Variants in KMO observed in about 807,000 individuals in gnomAD.
KMO encodes the protein kynurenine 3-hydroxylase.
Under a neutral mutation model 57.8 loss-of-function variants are expected in KMO, and 24 were observed. The ratio of observed to expected loss-of-function variants is 0.42; its 90% confidence interval spans 0.30 to 0.58. KMO has a LOEUF of 0.58. Among genes scored for constraint, KMO ranks in the 20% least tolerant of loss-of-function variants. KMO has a pLI of 0.22. For synonymous variants in KMO, 210 were observed against 193.6 expected (o/e 1.08, Z -0.70); for missense variants, 483 against 588.2 (o/e 0.82, Z 1.85).
At chr1:241,575,967 T>C (rs902530416) in intron 10 of KMO, among the ~76,000 whole-genome samples, 4 of 152,092 alleles carry the variant, frequency 2.6e-5, no homozygotes, top group African/African-American at 7.2e-5. Context: ...AAGTTTAGGA[T>C]TGTAATATCT....
At chr1:241,586,118 C>T (rs189699256) in intron 10 of KMO, among the ~76,000 whole-genome samples, 2 of 149,220 alleles carry the variant, frequency 1.3e-5, no homozygotes, top group Non-Finnish European at 3.0e-5. Context: ...AAATCTTGGT[C>T]GAATTTCAGA....
At chr1:241,554,434 C>T (rs577513597) in intron 4 of KMO, among the ~76,000 whole-genome samples, 6 of 151,846 alleles carry the variant, frequency 4.0e-5, no homozygotes, top group South Asian at 4.2e-4. Flanking sequence ...CCACCAGACC[C>T]GGCTTGTTTT....
At chr1:241,549,872 C>A in intron 3 of KMO, 98 bp downstream of exon 3, 1 of 769,138 alleles carries the variant, frequency 1.3e-6, no homozygotes, top group Non-Finnish European at 2.1e-6. Flanking sequence ...CATTTAATAC[C>A]AAGAATCTCT....
chr1:241,555,723 C>A, intron 5 of KMO, 63 bp downstream of exon 5: 2 of 980,332 alleles, frequency 2.0e-6, no homozygotes, highest in South Asian at 2.6e-5. Context: ...CTAATCTTGT[C>A]ATATGATTTA....
chr1:241,568,602 T>C lies in KMO; in HGVS notation c.912T>C (p.Asp304=), dbSNP rs1367055372. Residue 304 remains aspartate (D), a synonymous_variant, in exon 10 of 15, where the codon GAT becomes GAC. Transcript: ENST00000366559. ...HFKSHCVLLG[D]AAHAIVPFFG... ...AATCTCACTGTGTACTGCTGGGAGA[T>C]GCAGCTCATGCTATAGTGCCGTTTT... The C allele has an allele frequency of 6.2e-7, 1 of 1,614,012 alleles. No homozygotes were observed. The highest frequency in any genetic ancestry group is 8.5e-7 in the Non-Finnish European group (1 of 1,179,908).
At chr1:241,562,373 G>A in intron 7 of KMO, 41 bp downstream of exon 7, 1 of 1,600,704 alleles carries the variant, frequency 6.2e-7, no homozygotes, top group Non-Finnish European at 8.5e-7. Context: ...CACAACCCTT[G>A]CTCCATGAGC....
At chr1:241,567,963 C>A (rs1287696787) in intron 9 of KMO, among the ~76,000 whole-genome samples, 1 of 152,150 alleles carries the variant, frequency 6.6e-6, no homozygotes, top group Admixed American at 6.5e-5. Flanking sequence ...ATTATAAGCA[C>A]CATGTTGTAC....
intron 5 of KMO, among the ~76,000 whole-genome samples, chr1:241,557,511 A>C (rs372247312): frequency 1.2e-4 from 18 of 152,226 alleles, no homozygotes; most frequent in African/African-American, 4.3e-4. Context: ...GAGGCCTATG[A>C]GGAATTTCAC....
rs114499825 is a variant in KMO at position 241,534,606 on chromosome 1, G to C, written c.54+2108G>C. Among the ~76,000 whole-genome samples, 698 of 152,278 alleles carry C rather than the reference G, an allele frequency of 4.6e-3. 5 individuals are homozygous for C. Among genetic ancestry groups the C allele is most frequent in the African/African-American group, 0.016 (662 of 41,550 alleles). On this transcript the variant is annotated intron_variant, in intron 1 of 14. Coordinates refer to ENST00000366559, the MANE Select transcript of KMO (RefSeq NM_003679.5). ...TTCTTTCACTCCATCAGTAAGCCTT[G>C]AGGCTCTATATCCAAAATACATTTA...
intron 9 of KMO, among the ~76,000 whole-genome samples, chr1:241,567,897 C>T (rs1471618395): frequency 6.6e-6 from 1 of 152,178 alleles, no homozygotes; most frequent in Non-Finnish European, 1.5e-5. Flanking sequence ...CTACTTAGAG[C>T]TTCCTCAACT....
chr1:241,594,109 CGT>C lies in KMO; in HGVS notation c.*1959_*1960del. On this transcript the variant is annotated 3_prime_UTR_variant, in exon 15 of 15. Transcript: ENST00000366559. ...AGGTATTTTCGAGAAAAATGCATTA[CGT>C]GTTTTGGAAAATAGAGTAATTTAAA... The C allele has an allele frequency of 3.6e-6, 1 of 274,426 alleles. No individual in the cohort carries two copies. Among genetic ancestry groups the C allele is most frequent in the Non-Finnish European group, 6.8e-6 (1 of 146,400 alleles). 17.0% of individuals were successfully genotyped at this position (274,426 alleles called of 1,614,324 possible). A position where few individuals can be genotyped will look rare whatever the true frequency, so the allele number is the denominator to read the frequency against.
chr1:241,566,466 C>T (rs773185150), intron 8 of KMO, 25 bp from the exon 9 acceptor site: 1 of 1,601,232 alleles, frequency 6.2e-7, no homozygotes, highest in East Asian at 2.3e-5. Flanking sequence ...CATCCCCTTT[C>T]ACTCTGTTTC....
chr1:241,538,013 C>G (rs1224111982), intron 1 of KMO, among the ~76,000 whole-genome samples: 2 of 152,134 alleles, frequency 1.3e-5, no homozygotes, highest in African/African-American at 4.8e-5. Flanking sequence ...TCAAATCCAC[C>G]TCTCCAAAGA....
rs1023524432 is a variant in KMO at position 241,536,113 on chromosome 1, G to GT, written c.54+3625dup. On this transcript the variant is annotated intron_variant, in intron 1 of 14. Coordinates refer to ENST00000366559, the MANE Select transcript of KMO (RefSeq NM_003679.5). ...AGAAGTTATGGGAAATTTTTAAAGA[G>GT]TTTTTTTTTTAACACAATTATGTCA... is the stretch of plus-strand genomic sequence containing the variant. Among the ~76,000 whole-genome samples, 1,297 of 149,038 alleles carry GT rather than the reference G, an allele frequency of 8.7e-3. 17 individuals are homozygous for GT. Among genetic ancestry groups the GT allele is most frequent in the African/African-American group, 0.029 (1,169 of 40,728 alleles).
At chr1:241,553,915 T>C (rs1661506076) in intron 4 of KMO, among the ~76,000 whole-genome samples, 1 of 152,192 alleles carries the variant, frequency 6.6e-6, no homozygotes, top group South Asian at 2.1e-4. Flanking sequence ...TAGATTTAGC[T>C]GCCAATGTAT....
Position 241,594,545 on chromosome 1 carries a change from C to T in KMO, c.*2392C>T. 1 of 1,614,108 alleles carries T rather than the reference C, an allele frequency of 6.2e-7. No homozygotes were observed. Among genetic ancestry groups the T allele is most frequent in the Non-Finnish European group, 8.5e-7 (1 of 1,179,990 alleles). Reference sequence around the variant, plus strand: ...AAATGATGGAAGAAGAGTTGAAAGTCACTTTTTTCTTTGGCCTGTCCCCAT... The same window carrying T: ...AAATGATGGAAGAAGAGTTGAAAGTTACTTTTTTCTTTGGCCTGTCCCCAT... On this transcript the variant is annotated 3_prime_UTR_variant, in exon 15 of 15. Coordinates refer to ENST00000366559, the MANE Select transcript of KMO (RefSeq NM_003679.5).
chr1:241,583,632 A>G (rs1055142182), intron 10 of KMO, among the ~76,000 whole-genome samples: 1 of 152,234 alleles, frequency 6.6e-6, no homozygotes, highest in African/African-American at 2.4e-5. Flanking sequence ...TCTATAGATT[A>G]CTTATAATAC....
intron 10 of KMO, among the ~76,000 whole-genome samples, chr1:241,586,256 T>C (rs932423716): frequency 2.9e-5 from 4 of 138,840 alleles, no homozygotes; most frequent in African/African-American, 1.1e-4. Flanking sequence ...TGGAGTGCAG[T>C]GGAGCGATCT....
intron 1 of KMO, among the ~76,000 whole-genome samples, chr1:241,547,091 G>A (rs1167604992): frequency 6.6e-6 from 1 of 152,064 alleles, no homozygotes; most frequent in Non-Finnish European, 1.5e-5. Context: ...CCAGTGATGA[G>A]GTAGTAAACT....
Sources: gnomAD v4.1 joint callset for allele counts (sites outside exome capture counted in the v4.1 genomes callset) on GRCh38, gnomAD v4.1.1 for gene constraint, MANE v1.5 for transcripts, NCBI Gene and HGNC (gene_info 2026-07-23, HGNC 2026-07-21) for gene names.